The following GMCL1 variants were observed in gnomAD, a reference collection of about 807,000 sequenced individuals.
GMCL1 encodes germ cell-less protein-like 1.
A neutral mutation model predicts 75.5 loss-of-function variants in GMCL1; 54 were observed. That is an observed-to-expected ratio of 0.71 (90% CI 0.57 to 0.90). The LOEUF (loss-of-function observed/expected upper bound fraction) is 0.90, where lower values mean the gene tolerates loss of function less well. Ranked by LOEUF, GMCL1 falls within the 40% of genes least tolerant of loss-of-function variation. The probability of loss-of-function intolerance (pLI) is 0.00; values close to 1 mark genes in which losing one functional copy is unlikely to be tolerated. For missense variants in GMCL1, 537 were observed against 622.7 expected (o/e 0.86, Z 1.47); for synonymous variants, 210 against 209.6 (o/e 1.00, Z -0.02).
Position 69,829,851 on chromosome 2 carries a change from C to T in GMCL1, c.-42C>T, listed in dbSNP as rs1674616543. ...CGGCGGCCGAGCCATGGCGGGAGAC[C>T]CCCTTCTCTGGGCTCCCTGAAGTCT... On this transcript the variant is annotated 5_prime_UTR_variant, in exon 1 of 14. Transcript: ENST00000282570. The T allele has an allele frequency of 5.3e-6, 8 of 1,511,178 alleles. No homozygotes were observed. The highest frequency in any genetic ancestry group is 5.3e-6 in the Non-Finnish European group (6 of 1,135,430). The allele number at this position is 1,511,178 out of a possible 1,614,324, so 93.6% of individuals were successfully genotyped here.
chr2:69,854,961 G>A lies in GMCL1; in HGVS notation c.1072+1G>A. On this transcript the variant is annotated splice_donor_variant, in intron 9 of 13. Transcript: ENST00000282570. LOFTEE classifies it high-confidence loss of function. ...GAACAAGATGCTGTAGTACCTTCAGGTAAGAGAACATAATTTGTAATTTTA... is the reference window on the plus strand; with the variant it reads ...GAACAAGATGCTGTAGTACCTTCAGATAAGAGAACATAATTTGTAATTTTA... The A allele has an allele frequency of 6.3e-7, 1 of 1,585,342 alleles. No individual in the cohort carries two copies. Among genetic ancestry groups the A allele is most frequent in the Non-Finnish European group, 8.6e-7 (1 of 1,165,048 alleles).
rs765009719 is a variant in GMCL1, at chr2:69,841,012, T to C, written c.552T>C (p.Ile184=). Residue 184 remains isoleucine (I), a synonymous_variant, in exon 4 of 14, where the codon ATT becomes ATC. Transcript: ENST00000282570. ...TAAAGCCCAGTCGAGTTGTTGCCAT[T>C]TTGGCAGCAGCTTGTTTGCTGCAGT... ...VLIKPSRVVA[I]LAAACLLQLD... 1.2e-5 allele frequency: 20 copies of C among 1,613,926 alleles called. No individual in the cohort carries two copies. The highest frequency in any genetic ancestry group is 1.7e-5 in the Non-Finnish European group (20 of 1,179,818).
chr2:69,867,117 T>A (rs1432262646), intron 11 of GMCL1, among the ~76,000 whole-genome samples: 3 of 152,048 alleles, frequency 2.0e-5, no homozygotes, highest in South Asian at 4.2e-4. Context: ...GCTAATTTTT[T>A]AAAATTTTTG....
At chr2:69,862,821 A>G (rs1675697106) in intron 10 of GMCL1, among the ~76,000 whole-genome samples, 1 of 152,196 alleles carries the variant, frequency 6.6e-6, no homozygotes, top group African/African-American at 2.4e-5. Flanking sequence ...GAGCTATTTA[A>G]TGGAATTGAG....
chr2:69,871,804 A>C lies in GMCL1; in HGVS notation c.1424A>C (p.Tyr475Ser). ...CTAATATGTAGTAGAACAACTGGCT[A>C]TCAAATACTTACACTTGAAAAGGAT... ...GKLICSRTTGYQILTLEKDQE... is the reference protein window; with the variant it reads ...GKLICSRTTGSQILTLEKDQE... The change falls in exon 13 of 14, where the codon TAT (tyrosine) becomes TCT (serine). Residue 475 changes from tyrosine to serine, a missense_variant. By Grantham distance (144) the Tyr-to-Ser change is moderately radical. Transcript: ENST00000282570. The C allele has an allele frequency of 6.3e-7, 1 of 1,592,606 alleles. No homozygotes were observed. Among genetic ancestry groups the C allele is most frequent in the Non-Finnish European group, 8.6e-7 (1 of 1,165,746 alleles).
chr2:69,866,361 T>C (rs1457222923), intron 11 of GMCL1, among the ~76,000 whole-genome samples: 6 of 152,204 alleles, frequency 3.9e-5, no homozygotes, highest in African/African-American at 1.4e-4. Flanking sequence ...TTTTTGTTTT[T>C]CAAAAAAAAT....
chr2:69,835,417 G>C (rs937096302), intron 1 of GMCL1, among the ~76,000 whole-genome samples: 19 of 151,652 alleles, frequency 1.3e-4, no homozygotes, highest in African/African-American at 4.4e-4. Flanking sequence ...GTTTCCAGGG[G>C]TGGAGGGAGT....
intron 3 of GMCL1, among the ~76,000 whole-genome samples, chr2:69,840,335 G>A (rs886827722): frequency 7.9e-5 from 12 of 151,914 alleles, no homozygotes; most frequent in South Asian, 2.1e-4. Context: ...GCGTGAACCC[G>A]GGAGGCAGAG....
At chr2:69,855,194 A>G (rs948919881) in intron 9 of GMCL1, among the ~76,000 whole-genome samples, 1 of 152,066 alleles carries the variant, frequency 6.6e-6, no homozygotes, top group Non-Finnish European at 1.5e-5. Context: ...ATGATTATCT[A>G]GTATTCTGTA....
At chr2:69,837,520 A>G (rs1161012305) in intron 1 of GMCL1, 27 bp from the exon 2 acceptor site, 2 of 1,422,852 alleles carry the variant, frequency 1.4e-6, no homozygotes, top group Non-Finnish European at 1.9e-6. Flanking sequence ...TTATATAAAT[A>G]TGTGACTTTT....
intron 2 of GMCL1, among the ~76,000 whole-genome samples, chr2:69,838,336 CAAAAAAAAAAAA>C (rs71397366): frequency 5.4e-4 from 17 of 31,524 alleles, no homozygotes; most frequent in Admixed American, 1.3e-3. Flanking sequence ...GACTCTGTCT[CAAAAAAAAAAAA>C]AAAAAAAAAA....
At chr2:69,876,176 G>A (rs111414465) in intron 13 of GMCL1, among the ~76,000 whole-genome samples, 1 of 152,040 alleles carries the variant, frequency 6.6e-6, no homozygotes, top group Non-Finnish European at 1.5e-5. Context: ...TTAAAGATAT[G>A]ATAATGGCAA....
chr2:69,836,252 C>T (rs143396078), intron 1 of GMCL1, among the ~76,000 whole-genome samples: 1 of 152,216 alleles, frequency 6.6e-6, no homozygotes, highest in Non-Finnish European at 1.5e-5. Context: ...AATTTGTTTT[C>T]TAACTTTCAG....
At position 69,844,590 on chromosome 2, in the gene GMCL1, C is replaced by G. The variant is rs1042310442; in HGVS notation, c.758+394C>G. 3 of 141,402 alleles carry G rather than the reference C, an allele frequency of 2.1e-5. No individual in the cohort carries two copies. In the East Asian group the frequency reaches 6.1e-4, roughly 29 times the overall value. The allele number at this position is 141,402 out of a possible 1,614,324, so 8.8% of individuals were successfully genotyped here. A position where few individuals can be genotyped will look rare whatever the true frequency, so the allele number is the denominator to read the frequency against. ...CCTTCAAAAACTTTTCATGTTGATC[C>G]GTTTTCTCACTAGGATGAATTCTCT... On this transcript the variant is annotated intron_variant, in intron 6 of 13. Coordinates refer to ENST00000282570, the MANE Select transcript of GMCL1 (RefSeq NM_178439.5).
At chr2:69,832,362 T>TG (rs1468776748) in intron 1 of GMCL1, among the ~76,000 whole-genome samples, 2 of 152,234 alleles carry the variant, frequency 1.3e-5, no homozygotes, top group Non-Finnish European at 2.9e-5. Context: ...ATGTCTAGAA[T>TG]GTAAGCATGC....
At chr2:69,845,922 A>G (rs1338166373) in intron 6 of GMCL1, among the ~76,000 whole-genome samples, 2 of 151,160 alleles carry the variant, frequency 1.3e-5, no homozygotes, top group Non-Finnish European at 2.9e-5. Flanking sequence ...AAAGTCAAAC[A>G]TTACATAGCT....
chr2:69,872,316 C>G (rs1333726971), intron 13 of GMCL1, among the ~76,000 whole-genome samples: 1 of 152,084 alleles, frequency 6.6e-6, no homozygotes, highest in Non-Finnish European at 1.5e-5. Context: ...ATCTCCAAAG[C>G]CATTTATTTA....
At chr2:69,834,515 T>G (rs1201818024) in intron 1 of GMCL1, among the ~76,000 whole-genome samples, 1 of 152,244 alleles carries the variant, frequency 6.6e-6, no homozygotes, top group Non-Finnish European at 1.5e-5. Flanking sequence ...GGTATGGAAA[T>G]CTAAAGTAAC....
intron 11 of GMCL1, among the ~76,000 whole-genome samples, chr2:69,865,197 G>T (rs1244762099): frequency 6.6e-6 from 1 of 152,138 alleles, no homozygotes; most frequent in Non-Finnish European, 1.5e-5. Flanking sequence ...TTTGAGTTCA[G>T]ATAAGACATA....
Sources: allele counts gnomAD v4.1 joint callset (sites outside exome capture counted in the v4.1 genomes callset), GRCh38; gene constraint gnomAD v4.1.1; transcripts MANE v1.5; gene names NCBI Gene and HGNC (gene_info 2026-07-23, HGNC 2026-07-21).